Variants in FCAR observed in about 807,000 individuals in gnomAD.
FCAR encodes the protein Fc alpha receptor.
A neutral mutation model predicts 27.1 loss-of-function variants in FCAR; 21 were observed. The observed-to-expected ratio is 0.77, with a 90% CI of 0.55 to 1.11. The LOEUF (loss-of-function observed/expected upper bound fraction) is 1.11. Among genes scored for constraint, FCAR ranks in the 50% most tolerant of loss-of-function variants. The probability of loss-of-function intolerance (pLI) is 0.00; values close to 1 mark genes in which losing one functional copy is unlikely to be tolerated. For synonymous variants in FCAR, 134 were observed against 135.8 expected, an observed-to-expected ratio of 0.99 and a Z score of 0.09; for missense variants, 404 against 358.4, an observed-to-expected ratio of 1.13 and a Z score of -1.03.
chr19:54,887,772 C>A (rs2066822981), intron 3 of FCAR, among the ~76,000 whole-genome samples: 1 of 151,824 alleles, frequency 6.6e-6, no homozygotes, highest in Non-Finnish European at 1.5e-5. Flanking sequence ...CAAAAATTAG[C>A]TGGGCGTGGT....
chr19:54,884,952 G>A (rs1429915576), intron 2 of FCAR, among the ~76,000 whole-genome samples: 7 of 151,800 alleles, frequency 4.6e-5, no homozygotes, highest in Non-Finnish European at 1.0e-4. Context: ...GACTACACGC[G>A]CCCGCCACCA....
At chr19:54,881,790 A>G (rs759257677) in intron 2 of FCAR, among the ~76,000 whole-genome samples, 53 of 152,226 alleles carry the variant, frequency 3.5e-4, no homozygotes, top group South Asian at 2.5e-3. Flanking sequence ...CTGAGGCAGG[A>G]GAATGGTGTG....
chr19:54,883,432 G>T (rs922392371), intron 2 of FCAR, among the ~76,000 whole-genome samples: 2 of 152,138 alleles, frequency 1.3e-5, no homozygotes, highest in Non-Finnish European at 2.9e-5. Context: ...TGCCCACGGG[G>T]CTCCCTCAGG....
intron 2 of FCAR, 104 bp from the exon 3 acceptor site, chr19:54,885,131 G>A (rs2066631190): frequency 2.0e-6 from 2 of 1,010,178 alleles, no homozygotes; most frequent in Non-Finnish European, 2.8e-6. Context: ...ATAAAGAATG[G>A]TAGGTTCTTC....
At chr19:54,887,330 G>GA (rs971746633) in intron 3 of FCAR, among the ~76,000 whole-genome samples, 2 of 150,460 alleles carry the variant, frequency 1.3e-5, no homozygotes, top group African/African-American at 4.9e-5. Flanking sequence ...TTCTAAAAAA[G>GA]AAAAAAGAGG....
intron 2 of FCAR, among the ~76,000 whole-genome samples, chr19:54,883,161 A>G (rs1371460594): frequency 6.6e-6 from 1 of 151,806 alleles, no homozygotes; most frequent in Non-Finnish European, 1.5e-5. Flanking sequence ...ACGCAGCACC[A>G]TAAAGAGAAA....
At chr19:54,887,242 C>T (rs2066788308) in intron 3 of FCAR, among the ~76,000 whole-genome samples, 1 of 151,956 alleles carries the variant, frequency 6.6e-6, no homozygotes, top group Non-Finnish European at 1.5e-5. Context: ...CCTGGGAGGT[C>T]GAGGCTGCAG....
At position 54,890,822 on chromosome 19, in the gene FCAR, G is replaced by A. The variant is rs1054209833; in HGVS notation, c.*959G>A. 2 of 150,228 alleles carry A rather than the reference G, an allele frequency of 1.3e-5. No individual in the cohort carries two copies. Among genetic ancestry groups the A allele is most frequent in the African/African-American group, 4.9e-5 (2 of 40,870 alleles). 9.3% of individuals were successfully genotyped at this position (150,228 alleles called of 1,614,324 possible). The stretch of plus-strand genomic sequence containing the variant: ...TAACCCCCCTCCTTTATTTTTTTTT[G>A]TTGAAGTGAGGCTCTCCCTATGTTG... On this transcript the variant is annotated 3_prime_UTR_variant, in exon 5 of 5. Transcript: ENST00000355524.
chr19:54,875,285 G>A, intron 1 of FCAR, 45 bp from the exon 2 acceptor site: 1 of 1,582,066 alleles, frequency 6.3e-7, no homozygotes, highest in Non-Finnish European at 8.7e-7. Context: ...TTGTCGTAAA[G>A]GTTGGAAATG....
intron 2 of FCAR, among the ~76,000 whole-genome samples, chr19:54,878,833 A>G (rs1383553285): frequency 7.9e-6 from 1 of 126,564 alleles, no homozygotes; most frequent in African/African-American, 3.1e-5. Context: ...GTCATTGCAT[A>G]TGAGATGGGT....
At chr19:54,877,919 G>T (rs59491394) in intron 2 of FCAR, among the ~76,000 whole-genome samples, 40,165 of 141,052 alleles carry the variant, frequency 0.28, 5,649 homozygotes, top group South Asian at 0.4. Context: ...GCTAAGGATT[G>T]TTTTTTTTTT....
intron 2 of FCAR, among the ~76,000 whole-genome samples, chr19:54,877,557 G>A (rs1453928982): frequency 6.6e-6 from 1 of 152,058 alleles, no homozygotes; most frequent in East Asian, 1.9e-4. Flanking sequence ...TCGATTTGCT[G>A]ATCTTCTGAA....
At chr19:54,888,565 C>T (rs587694075) in intron 4 of FCAR, 10 of 1,232,386 alleles carry the variant, frequency 8.1e-6, no homozygotes, top group South Asian at 8.0e-5. Flanking sequence ...TTTTATTTTC[C>T]GGGATAGAGT....
At chr19:54,887,726 G>A (rs1040251004) in intron 3 of FCAR, among the ~76,000 whole-genome samples, 41 of 151,566 alleles carry the variant, frequency 2.7e-4, no homozygotes, top group African/African-American at 9.4e-4. Context: ...AGACCAGCCT[G>A]ACCAACATGG....
intron 1 of FCAR, among the ~76,000 whole-genome samples, chr19:54,874,713 G>A (rs1397347625): frequency 6.6e-6 from 1 of 152,024 alleles, no homozygotes; most frequent in Non-Finnish European, 1.5e-5. Context: ...GTATTTTGTT[G>A]AAGATTTTTG....
intron 2 of FCAR, among the ~76,000 whole-genome samples, chr19:54,884,171 A>G (rs4806608): frequency 0.18 from 27,220 of 152,124 alleles, 2,557 homozygotes; most frequent in Middle Eastern, 0.3. Flanking sequence ...CTGGGCCACT[A>G]TGCTGGAAAC....
Position 54,889,541 on chromosome 19 carries a change from C to G in FCAR, c.650-108C>G, listed in dbSNP as rs187394162. On this transcript the variant is annotated intron_variant, in intron 4 of 4. Transcript: ENST00000355524. ...CATTGAGGGGATGCTTGAGGGAGTC[C>G]CATTTTGGCAAGCGAAAAGGAAAAT... 1.4e-5 allele frequency: 12 copies of G among 838,122 alleles called. No individual in the cohort carries two copies. In the Admixed American group the frequency reaches 1.8e-4, roughly 12 times the overall value. The allele number at this position is 838,122 out of a possible 1,614,324, so 51.9% of individuals were successfully genotyped here.
chr19:54,881,884 TAAA>T (rs2066439318), intron 2 of FCAR, among the ~76,000 whole-genome samples: 1 of 4,852 alleles, frequency 2.1e-4, no homozygotes, highest in Non-Finnish European at 3.9e-4. Flanking sequence ...CCGTCTCAAA[TAAA>T]TAAATAAATA....
At chr19:54,887,384 G>A (rs747477807) in intron 3 of FCAR, among the ~76,000 whole-genome samples, 3 of 152,358 alleles carry the variant, frequency 2.0e-5, no homozygotes, top group Admixed American at 6.5e-5. Flanking sequence ...ACTTTGGGAG[G>A]CTGAGGCAGG....
Sources: gnomAD v4.1 joint callset for allele counts (sites outside exome capture counted in the v4.1 genomes callset) on GRCh38, gnomAD v4.1.1 for gene constraint, MANE v1.5 for transcripts, NCBI Gene and HGNC (gene_info 2026-07-23, HGNC 2026-07-21) for gene names.